Variants in PKP1 observed in about 807,000 individuals in gnomAD.
The protein encoded by PKP1 is plakophilin 1.
PKP1 carries 27 observed loss-of-function variants against 76.4 expected under a neutral mutation model. That is an observed-to-expected ratio of 0.35 (90% CI 0.26 to 0.49). PKP1 has a LOEUF of 0.49. Among genes scored for constraint, PKP1 ranks in the 20% least tolerant of loss-of-function variants. The pLI, the probability that PKP1 is intolerant of heterozygous loss-of-function variation, is 0.99. For synonymous variants in PKP1, 404 were observed against 384.2 expected, an observed-to-expected ratio of 1.05 and a Z score of -0.60; for missense variants, 964 against 955.2, an observed-to-expected ratio of 1.01 and a Z score of -0.12.
At chr1:201,318,333 A>C (rs982867025) in intron 5 of PKP1, among the ~76,000 whole-genome samples, 9 of 152,328 alleles carry the variant, frequency 5.9e-5, no homozygotes, top group African/African-American at 1.9e-4. Flanking sequence ...TATACTAAAA[A>C]CCACTGATCA....
intron 2 of PKP1, among the ~76,000 whole-genome samples, chr1:201,301,608 C>T (rs558608165): frequency 9.9e-5 from 15 of 152,168 alleles, no homozygotes; most frequent in African/African-American, 3.4e-4. Context: ...CTGGATGAGT[C>T]GGCTGTTGCT....
rs1295125354 is a variant in PKP1, at chr1:201,317,722, G to A, written c.997G>A (p.Glu333Lys). 5.6e-6 allele frequency: 9 copies of A among 1,613,930 alleles called. No homozygotes were observed. The highest frequency in any genetic ancestry group is 1.7e-4 in the Middle Eastern group (1 of 6,050). The change falls in exon 5 of 14, where the codon GAG becomes AAG. Residue 333 changes from glutamate (E) to lysine (K), a missense_variant. Glu to Lys is a moderately conservative substitution (Grantham distance 56, BLOSUM62 1). Coordinates refer to ENST00000367324, the MANE Select transcript of PKP1 (RefSeq NM_001005337.3). ...LETRRQNGIR[E>K]AVSLLRRTGN... is the part of the protein sequence containing the mutation. ...GACCCGGAGGCAGAATGGGATCCGC[G>A]AGGCAGTCAGCCTCCTGAGGAGAAC... is the stretch of plus-strand genomic sequence containing the variant.
At chr1:201,295,062 G>A (rs1656034247) in intron 2 of PKP1, among the ~76,000 whole-genome samples, 1 of 152,060 alleles carries the variant, frequency 6.6e-6, no homozygotes, top group Non-Finnish European at 1.5e-5. Context: ...GGGATTAAAG[G>A]CTGCTTCTCT....
chr1:201,293,222 G>A (rs375770682), intron 1 of PKP1, among the ~76,000 whole-genome samples: 15 of 152,130 alleles, frequency 9.9e-5, no homozygotes, highest in African/African-American at 3.4e-4. Context: ...AGATGAGGGG[G>A]GTGGCCCCAC....
intron 1 of PKP1, among the ~76,000 whole-genome samples, chr1:201,290,177 T>C (rs1438180026): frequency 6.6e-6 from 1 of 152,178 alleles, no homozygotes; most frequent in South Asian, 2.1e-4. Flanking sequence ...TTTTCTGAGA[T>C]GGTTTTACAC....
At chr1:201,314,646 A>T (rs1207214104) in intron 3 of PKP1, among the ~76,000 whole-genome samples, 3 of 152,252 alleles carry the variant, frequency 2.0e-5, no homozygotes, top group Non-Finnish European at 4.4e-5. Context: ...AGGTGTCGTG[A>T]GTGACACTGA....
At chr1:201,289,698 A>G (rs1024928279) in intron 1 of PKP1, among the ~76,000 whole-genome samples, 1 of 124,250 alleles carries the variant, frequency 8.0e-6, no homozygotes, top group Non-Finnish European at 1.5e-5. Context: ...GCACACACAC[A>G]CACACACACA....
chr1:201,309,465 C>A (rs1656469715), intron 2 of PKP1, among the ~76,000 whole-genome samples: 1 of 152,186 alleles, frequency 6.6e-6, no homozygotes. Context: ...GCTGTCCAGT[C>A]TAGCCTGCTG....
chr1:201,319,793 C>T (rs1203677951), intron 6 of PKP1: 11 of 1,613,350 alleles, frequency 6.8e-6, no homozygotes, highest in African/African-American at 2.7e-5. Flanking sequence ...CCAGCATCAA[C>T]AGGGCTTCTT....
chr1:201,286,596 C>G (rs1044322458), intron 1 of PKP1, among the ~76,000 whole-genome samples: 2 of 152,202 alleles, frequency 1.3e-5, no homozygotes, highest in African/African-American at 2.4e-5. Flanking sequence ...ACAGATCAGA[C>G]AAGCACCTTG....
rs1657103980 is a variant in PKP1 at position 201,325,818 on chromosome 1, C to T, written c.2086C>T (p.Leu696=). The part of the protein sequence containing the change: ...LLSDMWSSKE[L]QGVLRQQGFD... ...GTCTGACATGTGGTCCAGCAAGGAA[C>T]TGCAGGGTGTCCTCAGACAGGTAAG... Residue 696 remains leucine (L), a synonymous_variant, in exon 12 of 14, where the codon CTG becomes TTG. Coordinates refer to ENST00000367324, the MANE Select transcript of PKP1 (RefSeq NM_001005337.3). The T allele has an allele frequency of 1.9e-6, 3 of 1,613,756 alleles. No individual in the cohort carries two copies. Among genetic ancestry groups the T allele is most frequent in the Non-Finnish European group, 2.5e-6 (3 of 1,179,802 alleles).
intron 9 of PKP1, 39 bp from the exon 10 acceptor site, chr1:201,324,389 A>G (rs1657044925): frequency 1.2e-6 from 2 of 1,611,774 alleles, no homozygotes; most frequent in East Asian, 4.5e-5. Context: ...GTGCCTGGGA[A>G]GCCACAGGCT....
intron 2 of PKP1, among the ~76,000 whole-genome samples, chr1:201,299,733 A>C (rs1230222558): frequency 3.9e-5 from 6 of 152,218 alleles, no homozygotes; most frequent in Non-Finnish European, 7.3e-5. Flanking sequence ...ACAGGATGAA[A>C]AGATGGTAGG....
At chr1:201,316,491 G>A (rs928558025) in intron 3 of PKP1, 62 bp from the exon 4 acceptor site, 14 of 1,522,098 alleles carry the variant, frequency 9.2e-6, no homozygotes, top group Admixed American at 1.9e-5. Flanking sequence ...GAGGAATTCT[G>A]AGCCCCCTCA....
chr1:201,308,616 G>C (rs1289194165), intron 2 of PKP1, among the ~76,000 whole-genome samples: 1 of 152,194 alleles, frequency 6.6e-6, no homozygotes, highest in African/African-American at 2.4e-5. Context: ...GTGAGGAAAA[G>C]CTGTCCAGGG....
chr1:201,294,010 A>G lies in PKP1; in HGVS notation c.271A>G (p.Lys91Glu). The G allele has an allele frequency of 6.2e-7, 1 of 1,613,704 alleles. No individual in the cohort carries two copies. Among genetic ancestry groups the G allele is most frequent in the Non-Finnish European group, 8.5e-7 (1 of 1,179,670 alleles). Residue 91 changes from lysine (K) to glutamate (E), a missense_variant, in exon 2 of 14, where the codon AAG (lysine) becomes GAG (glutamate). Coordinates refer to ENST00000367324, the MANE Select transcript of PKP1 (RefSeq NM_001005337.3). Reference sequence around the variant, plus strand: ...CACCAGCAGGAGCAGCTACTACTCCAAGTTCCAGGCAGGGAATGGCTCATG... The same window carrying G: ...CACCAGCAGGAGCAGCTACTACTCCGAGTTCCAGGCAGGGAATGGCTCATG... ...GTTSRSSYYS[K>E]FQAGNGSWGY...
chr1:201,324,353 C>T, intron 9 of PKP1, 75 bp from the exon 10 acceptor site: 1 of 1,490,996 alleles, frequency 6.7e-7, no homozygotes. Flanking sequence ...GCCTTTGGGG[C>T]TCCTTGCCCC....
Position 201,320,413 on chromosome 1 carries a change from C to T in PKP1, c.1347+32C>T, listed in dbSNP as rs1220063871. 2.2e-6 allele frequency: 3 copies of T among 1,392,530 alleles called. No individual in the cohort carries two copies. The Admixed American group carries it at 5.1e-5, about 23-fold the overall frequency. The allele number at this position is 1,392,530 out of a possible 1,614,324, so 86.3% of individuals were successfully genotyped here. A position where few individuals can be genotyped will look rare whatever the true frequency, so the allele number is the denominator to read the frequency against. On this transcript the variant is annotated intron_variant, in intron 7 of 13. Transcript: ENST00000367324. ...GCATCCCCTGGTGGCACCCTGACCC[C>T]TAGGCCCAGCCCCCTACATTTTCTG...
intron 6 of PKP1, chr1:201,319,756 C>A: frequency 6.3e-7 from 1 of 1,578,706 alleles, no homozygotes; most frequent in Non-Finnish European, 8.7e-7. Flanking sequence ...GGTGCCCAGC[C>A]CGGCCACCCC....
Sources: allele counts gnomAD v4.1 joint callset (sites outside exome capture counted in the v4.1 genomes callset), GRCh38; gene constraint gnomAD v4.1.1; transcripts MANE v1.5; gene names NCBI Gene and HGNC (gene_info 2026-07-23, HGNC 2026-07-21).